SYP: variants seen among roughly 807,000 people sequenced by gnomAD.
SYP encodes the protein synaptophysin.
SYP carries 2 observed loss-of-function variants against 24.3 expected under a neutral mutation model. That is an observed-to-expected ratio of 0.08 (90% confidence interval 0.03 to 0.26). SYP has a LOEUF of 0.26. Ranked by LOEUF, SYP falls within the 10% of genes least tolerant of loss-of-function variation. SYP has a pLI of 1.00. For synonymous variants in SYP, 143 were observed against 123.2 expected (o/e 1.16, Z -1.07); for missense variants, 216 against 266.3 (o/e 0.81, Z 1.32).
chrX:49,191,156 T>C, intron 6 of SYP: 1 of 404,102 alleles, frequency 2.5e-6, no homozygotes, highest in Non-Finnish European at 4.4e-6. Context: ...TCTGCTTCTC[T>C]CCCCCCGCCT....
At chrX:49,196,176 A>C (rs1430220298) in intron 3 of SYP, among the ~76,000 whole-genome samples, 3 of 111,376 alleles carry the variant, frequency 2.7e-5, no homozygotes, top group Non-Finnish European at 5.7e-5. Context: ...TGGATCCCCA[A>C]AGGACTGGCT....
At chrX:49,198,835 G>T in intron 2 of SYP, 133 bp downstream of exon 2, 3 of 735,589 alleles carry the variant, frequency 4.1e-6, no homozygotes, top group Non-Finnish European at 6.2e-6. Context: ...TCACCCTGGA[G>T]CCCAATTCCC....
In SYP at chrX:49,191,659, G is replaced by A. The variant is rs1557102752; in HGVS notation, c.720C>T (p.Pro240=). 8.3e-7 allele frequency: 1 copy of A among 1,205,160 alleles called. No individual in the cohort carries two copies. The highest frequency in any genetic ancestry group is 1.8e-5 in the South Asian group (1 of 56,299). ...APFLRAPPGA[P]EKQPAPGDAY... The stretch of plus-strand genomic sequence containing the variant: ...CGTCCCCGGGTGCCGGTTGTTTCTC[G>A]GGGGCGCCGGGAGGCGCGCGCAGGA... The change falls in exon 6 of 7, where the codon CCC becomes CCT. Residue 240 remains proline, a synonymous_variant. Coordinates refer to ENST00000263233, the MANE Select transcript of SYP (RefSeq NM_003179.3).
chrX:49,195,696 G>A (rs1436622109), intron 3 of SYP, among the ~76,000 whole-genome samples: 1 of 111,124 alleles, frequency 9.0e-6, no homozygotes, highest in Non-Finnish European at 1.9e-5. Context: ...CAGATTGGAG[G>A]CCAGGATCCT....
rs1055004822 is a variant in SYP, at chrX:49,193,282, T to C, written c.605A>G (p.Asn202Ser). 2.5e-6 allele frequency: 3 copies of C among 1,211,900 alleles called. No individual in the cohort carries two copies. In the Middle Eastern group the frequency reaches 6.9e-4, roughly 278 times the overall value. The change falls in exon 5 of 7, where the codon AAC (asparagine) becomes AGC (serine). Residue 202 changes from asparagine (N) to serine (S), a missense_variant. By Grantham distance (46) the Asn-to-Ser change is conservative. Transcript: ENST00000263233. ...GCACCCAGGGCTTACCACCGAGGTG[T>C]TGAGTCCCGAGGTCACAGGGTCTCT... ...ELRDPVTSGL[N>S]TSVVFGFLNL...
intron 6 of SYP, chrX:49,191,138 T>G: frequency 5.2e-6 from 2 of 386,963 alleles, no homozygotes; most frequent in Admixed American, 4.3e-5. Flanking sequence ...CCTCCCTTTA[T>G]TGGTTGCTCT....
At chrX:49,193,168 T>C (rs1436954585) in intron 5 of SYP, 104 bp downstream of exon 5, 7 of 981,603 alleles carry the variant, frequency 7.1e-6, no homozygotes, top group Non-Finnish European at 9.9e-6. Flanking sequence ...GGGACACCCC[T>C]TGGATCTCCC....
intron 2 of SYP, 34 bp from the exon 3 acceptor site, chrX:49,197,873 A>T (rs1557103516): frequency 8.3e-7 from 1 of 1,207,013 alleles, no homozygotes; most frequent in Admixed American, 2.2e-5. Context: ...GCCACAGTGA[A>T]CCTGTGTGCA....
intron 3 of SYP, among the ~76,000 whole-genome samples, chrX:49,194,736 G>GTCTTGC (rs2065522816): frequency 6.0e-5 from 5 of 83,297 alleles, no homozygotes; most frequent in South Asian, 1.3e-3. Context: ...TTGAGATGGA[G>GTCTTGC]TCTTGCTCTG....
chrX:49,191,601 C>A lies in SYP; in HGVS notation c.778G>T (p.Gly260Cys). 8.3e-7 allele frequency: 1 copy of A among 1,209,564 alleles called. No homozygotes were observed. ...YGDAGYGQGP[G>C]GYGPQDSYGP... ...TAGGAATCCTGGGGCCCGTACCCGC[C>A]GGGGCCCTGCCCGTAGCCTGCATCG... Residue 260 changes from glycine to cysteine, a missense_variant, in exon 6 of 7, where the codon GGC (glycine) becomes TGC (cysteine). By Grantham distance (159) the Gly-to-Cys change is radical (BLOSUM62 -3). This residue lies in a region of SYP where 114 missense variants were observed against 107.9 expected (regional missense o/e 1.06). Transcript: ENST00000263233.
chrX:49,189,611 G>GCGAA (rs1287013204), intron 6 of SYP, among the ~76,000 whole-genome samples: 2 of 110,809 alleles, frequency 1.8e-5, no homozygotes, highest in Non-Finnish European at 3.8e-5. Context: ...ACTTCACACA[G>GCGAA]CGAACATGAT....
chrX:49,198,033 T>G, intron 2 of SYP, 194 bp from the exon 3 acceptor site: 1 of 474,727 alleles, frequency 2.1e-6, no homozygotes, highest in East Asian at 3.8e-5. Flanking sequence ...TTCCTGTTTC[T>G]CTCTCTGTGT....
intron 6 of SYP, 46 bp from the exon 7 acceptor site, chrX:49,189,328 T>C (rs2065498385): frequency 9.2e-6 from 1 of 108,886 alleles, no homozygotes; most frequent in Non-Finnish European, 1.9e-5. Context: ...CTGACATGGG[T>C]GGCGCCCTCA....
In SYP at chrX:49,199,353, G is replaced by C. The variant is rs782163338; in HGVS notation, c.37-320C>G. The C allele has an allele frequency of 5.1e-5, 16 of 315,350 alleles. No homozygotes were observed. The East Asian group carries it at 8.9e-4, about 18-fold the overall frequency. 26.0% of individuals were successfully genotyped at this position (315,350 alleles called of 1,213,427 possible). A position where few individuals can be genotyped will look rare whatever the true frequency, so the allele number is the denominator to read the frequency against. On this transcript the variant is annotated intron_variant, in intron 1 of 6. Transcript: ENST00000263233. The stretch of plus-strand genomic sequence containing the variant: ...GGGAAGGGGTTCGGGTAGAGAATGG[G>C]GATGGAGTGGGGTGCATTCGGGTGG...
chrX:49,192,032 A>G (rs7060540), intron 5 of SYP, among the ~76,000 whole-genome samples: 4,210 of 112,575 alleles, frequency 0.037, 210 homozygotes, highest in African/African-American at 0.13. Context: ...ACATATACAC[A>G]TTATATACAC....
intron 6 of SYP, chrX:49,190,482 T>TC (rs2065502543): frequency 3.4e-5 from 2 of 58,433 alleles, no homozygotes; most frequent in African/African-American, 1.1e-4. Context: ...ACCTGGCCTC[T>TC]TTTCTTTCTT....
At position 49,191,512 on chromosome X, in the gene SYP, G is replaced by A. The variant is rs782738836; in HGVS notation, c.867C>T (p.Tyr289=). ...GCTGCCCATAGTCGCCCTGAGGCCC[G>A]TAGCCACTGCCACCGCTGCCGGCTG... The part of the protein sequence containing the change: ...GQPAGSGGSG[Y]GPQGDYGQQG... The change falls in exon 6 of 7, where the codon TAC becomes TAT. Residue 289 remains tyrosine, a synonymous_variant. Transcript: ENST00000263233. 12 of 1,209,847 alleles carry A rather than the reference G, an allele frequency of 9.9e-6. No individual in the cohort carries two copies. Among genetic ancestry groups the A allele is most frequent in the Non-Finnish European group, 1.3e-5 (12 of 895,207 alleles).
At chrX:49,199,126 G>GCAT in intron 1 of SYP, 93 bp from the exon 2 acceptor site, 1 of 878,901 alleles carries the variant, frequency 1.1e-6, no homozygotes, top group East Asian at 3.3e-5. Context: ...AGGGGATGGA[G>GCAT]CATGTGACCT....
At chrX:49,200,118 G>A (rs1557103789) in intron 1 of SYP, 33 bp downstream of exon 1, 1 of 1,164,378 alleles carries the variant, frequency 8.6e-7, no homozygotes, top group South Asian at 1.9e-5. Context: ...GCCGGGCGGC[G>A]GCGGGCTCTG....
Sources: allele counts gnomAD v4.1 joint callset (sites outside exome capture counted in the v4.1 genomes callset), GRCh38; gene constraint gnomAD v4.1.1; regional missense constraint gnomAD v4.1.1; transcripts MANE v1.5; gene names NCBI Gene and HGNC (gene_info 2026-07-23, HGNC 2026-07-21).